AGBL4: variants seen among roughly 807,000 people sequenced by gnomAD.
The protein encoded by AGBL4 is cytosolic carboxypeptidase 6.
Under a neutral mutation model 66.4 loss-of-function variants are expected in AGBL4, and 58 were observed. The observed-to-expected ratio is 0.87, with a 90% CI of 0.71 to 1.09. The LOEUF (loss-of-function observed/expected upper bound fraction) is 1.09, where lower values mean the gene tolerates loss of function less well. AGBL4 is among the 50% of genes least tolerant of loss of function. AGBL4 has a pLI of 0.00. For missense variants in AGBL4, 579 were observed against 631.0 expected, an observed-to-expected ratio of 0.92 and a Z score of 0.88; for synonymous variants, 234 against 222.9, an observed-to-expected ratio of 1.05 and a Z score of -0.44.
intron 5 of AGBL4, among the ~76,000 whole-genome samples, chr1:48,969,626 C>T (rs1254806088): frequency 6.6e-6 from 1 of 152,066 alleles, no homozygotes; most frequent in African/African-American, 2.4e-5. Flanking sequence ...TCCCTTCCTT[C>T]CTTCTTTCCT....
intron 1 of AGBL4, among the ~76,000 whole-genome samples, chr1:49,883,133 T>G (rs1647594523): frequency 6.6e-6 from 1 of 152,144 alleles, no homozygotes; most frequent in Non-Finnish European, 1.5e-5. Context: ...TTTTAGAAAA[T>G]CATATCACCA....
intron 2 of AGBL4, among the ~76,000 whole-genome samples, chr1:49,805,037 A>T (rs1644946241): frequency 6.6e-6 from 1 of 152,208 alleles, no homozygotes; most frequent in Admixed American, 6.5e-5. Flanking sequence ...AACCAAAGGG[A>T]ATAATTGTAG....
intron 6 of AGBL4, among the ~76,000 whole-genome samples, chr1:48,832,716 C>G (rs1437554758): frequency 6.6e-6 from 1 of 152,132 alleles, no homozygotes; most frequent in Non-Finnish European, 1.5e-5. Flanking sequence ...AATTAATAGA[C>G]TAAGTAAAGT....
intron 3 of AGBL4, among the ~76,000 whole-genome samples, chr1:49,340,365 T>C (rs1645515198): frequency 6.6e-6 from 1 of 152,174 alleles, no homozygotes; most frequent in Admixed American, 6.5e-5. Context: ...TTCATAGCCC[T>C]TTTCCTTCAC....
At chr1:49,654,639 A>AGCTCTT in intron 3 of AGBL4, among the ~76,000 whole-genome samples, 1 of 152,292 alleles carries the variant, frequency 6.6e-6, no homozygotes, top group East Asian at 1.9e-4. Flanking sequence ...TGGGATAGTT[A>AGCTCTT]GCTCTTCTTG....
intron 6 of AGBL4, among the ~76,000 whole-genome samples, chr1:48,796,219 G>T (rs1645670675): frequency 6.6e-6 from 1 of 152,026 alleles, no homozygotes. Flanking sequence ...CCTACACTTG[G>T]TTAGGATGCT....
At chr1:49,442,219 T>G (rs972132342) in intron 3 of AGBL4, among the ~76,000 whole-genome samples, 1 of 152,174 alleles carries the variant, frequency 6.6e-6, no homozygotes. Context: ...AACACAATCT[T>G]ACCTCAAAAG....
intron 3 of AGBL4, among the ~76,000 whole-genome samples, chr1:49,489,084 T>G (rs1647131990): frequency 6.6e-6 from 1 of 151,922 alleles, no homozygotes; most frequent in Non-Finnish European, 1.5e-5. Flanking sequence ...GGTAGCTCTA[T>G]TTTTAGTTTT....
chr1:49,130,781 T>A (rs1444077660), intron 4 of AGBL4, among the ~76,000 whole-genome samples: 1 of 152,124 alleles, frequency 6.6e-6, no homozygotes, highest in Non-Finnish European at 1.5e-5. Flanking sequence ...GGCTTAGGAT[T>A]GACTTGGCGA....
intron 6 of AGBL4, among the ~76,000 whole-genome samples, chr1:48,832,707 A>G (rs557360237): frequency 6.6e-6 from 1 of 152,290 alleles, no homozygotes; most frequent in African/African-American, 2.4e-5. Flanking sequence ...TTAATATTCA[A>G]TTAATAGACT....
intron 1 of AGBL4, among the ~76,000 whole-genome samples, chr1:49,979,483 C>T (rs903820207): frequency 2.0e-5 from 3 of 150,784 alleles, no homozygotes; most frequent in East Asian, 3.9e-4. Context: ...AAAAAAAAAA[C>T]TTACAACCTG....
intron 1 of AGBL4, among the ~76,000 whole-genome samples, chr1:49,981,122 G>A (rs1659022547): frequency 6.6e-6 from 1 of 152,140 alleles, no homozygotes; most frequent in South Asian, 2.1e-4. Flanking sequence ...AAGGCAAGTA[G>A]CTTAAAAATT....
At chr1:48,928,252 C>T (rs1654754952) in intron 5 of AGBL4, among the ~76,000 whole-genome samples, 1 of 152,160 alleles carries the variant, frequency 6.6e-6, no homozygotes, top group African/African-American at 2.4e-5. Context: ...AGAATGAAAG[C>T]TTAATCAACA....
chr1:49,672,875 C>G (rs914876601), intron 3 of AGBL4, among the ~76,000 whole-genome samples: 2 of 140,808 alleles, frequency 1.4e-5, no homozygotes, highest in African/African-American at 5.4e-5. Context: ...GAGCTGAGAT[C>G]GTGCCATTGC....
At chr1:49,277,835 T>C (rs944288222) in intron 3 of AGBL4, among the ~76,000 whole-genome samples, 1 of 152,166 alleles carries the variant, frequency 6.6e-6, no homozygotes. Flanking sequence ...TTTTCCCATA[T>C]TGTTTTCTCT....
intron 2 of AGBL4, among the ~76,000 whole-genome samples, chr1:49,783,312 A>T (rs959188646): frequency 1.3e-5 from 2 of 152,202 alleles, no homozygotes; most frequent in South Asian, 4.1e-4. Context: ...CTAGCAAAAT[A>T]TAAAAAGGAT....
chr1:48,883,924 CA>C (rs1232980429), intron 5 of AGBL4, among the ~76,000 whole-genome samples: 3 of 152,104 alleles, frequency 2.0e-5, no homozygotes, highest in Admixed American at 6.6e-5. Context: ...AAAAAACAAA[CA>C]AACAAACAAA....
At chr1:49,517,471 A>G (rs1649922279) in intron 3 of AGBL4, among the ~76,000 whole-genome samples, 1 of 151,974 alleles carries the variant, frequency 6.6e-6, no homozygotes, top group African/African-American at 2.4e-5. Context: ...TGAAAGAATC[A>G]AGAGTTCAGT....
intron 6 of AGBL4, among the ~76,000 whole-genome samples, chr1:48,740,524 T>C (rs1402750103): frequency 1.3e-5 from 2 of 152,188 alleles, no homozygotes; most frequent in African/African-American, 2.4e-5. Context: ...AATCAGAAAT[T>C]TGTGTGGCAA....
Sources: gnomAD v4.1 joint callset for allele counts (sites outside exome capture counted in the v4.1 genomes callset) on GRCh38, gnomAD v4.1.1 for gene constraint, MANE v1.5 for transcripts, NCBI Gene and HGNC (gene_info 2026-07-23, HGNC 2026-07-21) for gene names.